SKAP2: variants seen among roughly 807,000 people sequenced by gnomAD.
SKAP2 encodes src kinase associated phosphoprotein 2, also known as src kinase-associated phosphoprotein 2.
A neutral mutation model predicts 54.9 loss-of-function variants in SKAP2; 28 were observed. That is an observed-to-expected ratio of 0.51 (90% CI 0.38 to 0.70). SKAP2 has a LOEUF of 0.70. Ranked by LOEUF, SKAP2 falls within the 30% of genes least tolerant of loss-of-function variation. The pLI is 0.00. For missense variants in SKAP2, 356 were observed against 424.1 expected, an observed-to-expected ratio of 0.84 and a Z score of 1.41; for synonymous variants, 137 against 134.3, an observed-to-expected ratio of 1.02 and a Z score of -0.14.
At chr7:26,729,557 T>C (rs969300078) in intron 6 of SKAP2, among the ~76,000 whole-genome samples, 7 of 151,808 alleles carry the variant, frequency 4.6e-5, no homozygotes, top group African/African-American at 1.7e-4. Flanking sequence ...ACTGGCAAAA[T>C]AAGGAACAAA....
intron 3 of SKAP2, chr7:26,848,190 T>G (rs1226887118): frequency 6.6e-6 from 1 of 152,246 alleles, no homozygotes; most frequent in African/African-American, 2.4e-5. Flanking sequence ...CAACAACAAC[T>G]GAACAGTCAT....
chr7:26,800,627 G>T (rs1399673804), intron 4 of SKAP2, among the ~76,000 whole-genome samples: 1 of 151,952 alleles, frequency 6.6e-6, no homozygotes, highest in African/African-American at 2.4e-5. Flanking sequence ...AAAAAGAGAA[G>T]ATCCAAATAA....
intron 9 of SKAP2, among the ~76,000 whole-genome samples, chr7:26,717,884 T>A (rs1000987882): frequency 2.0e-5 from 3 of 151,616 alleles, no homozygotes; most frequent in Non-Finnish European, 4.4e-5. Context: ...TAAAAAATAT[T>A]TTTTTAAAAG....
intron 6 of SKAP2, among the ~76,000 whole-genome samples, chr7:26,735,882 G>A (rs566154743): frequency 1.3e-5 from 2 of 152,148 alleles, no homozygotes; most frequent in East Asian, 3.9e-4. Context: ...TTTTTTTGGA[G>A]TCCCTTAAAA....
At chr7:26,801,809 T>G (rs1392299886) in intron 4 of SKAP2, among the ~76,000 whole-genome samples, 1 of 152,028 alleles carries the variant, frequency 6.6e-6, no homozygotes, top group Non-Finnish European at 1.5e-5. Context: ...AGGTGAAAGA[T>G]CTCTATAATG....
intron 4 of SKAP2, among the ~76,000 whole-genome samples, chr7:26,752,338 T>A (rs1355687827): frequency 6.6e-6 from 1 of 152,186 alleles, no homozygotes; most frequent in African/African-American, 2.4e-5. Context: ...AATAACATTT[T>A]TACAGTATAT....
chr7:26,736,139 A>C (rs1382957580), intron 6 of SKAP2, among the ~76,000 whole-genome samples: 1 of 152,190 alleles, frequency 6.6e-6, no homozygotes, highest in Non-Finnish European at 1.5e-5. Flanking sequence ...GAGTAAAATA[A>C]GGCTTTGACC....
At chr7:26,784,378 G>T (rs1378051706) in intron 4 of SKAP2, among the ~76,000 whole-genome samples, 2 of 152,142 alleles carry the variant, frequency 1.3e-5, no homozygotes, top group Non-Finnish European at 2.9e-5. Context: ...TTCCTCCACG[G>T]TGAGAGTATT....
At chr7:26,859,784 A>G (rs896680757) in intron 1 of SKAP2, among the ~76,000 whole-genome samples, 2 of 152,356 alleles carry the variant, frequency 1.3e-5, no homozygotes, top group South Asian at 2.1e-4. Flanking sequence ...GATTTACACT[A>G]TATTCAGTTT....
At chr7:26,756,582 A>T (rs527858608) in intron 4 of SKAP2, among the ~76,000 whole-genome samples, 37 of 152,286 alleles carry the variant, frequency 2.4e-4, no homozygotes, top group African/African-American at 7.5e-4. Flanking sequence ...TCTATCATCG[A>T]TGGACATTTG....
intron 4 of SKAP2, among the ~76,000 whole-genome samples, chr7:26,804,791 A>T (rs1048815891): frequency 6.6e-5 from 10 of 152,094 alleles, no homozygotes; most frequent in African/African-American, 2.4e-4. Flanking sequence ...ATAAAAAGGC[A>T]ATTTATTAAA....
intron 4 of SKAP2, among the ~76,000 whole-genome samples, chr7:26,787,799 G>C (rs1783585821): frequency 6.6e-6 from 1 of 152,098 alleles, no homozygotes; most frequent in Non-Finnish European, 1.5e-5. Context: ...TGAGGGATCT[G>C]CCCGCATGAC....
At chr7:26,685,985 C>T (rs1230041629) in intron 10 of SKAP2, among the ~76,000 whole-genome samples, 1 of 152,160 alleles carries the variant, frequency 6.6e-6, no homozygotes, top group Non-Finnish European at 1.5e-5. Flanking sequence ...CCAGGGTTGT[C>T]ATCTCAGTAT....
intron 4 of SKAP2, among the ~76,000 whole-genome samples, chr7:26,821,699 AGAT>A (rs1198040584): frequency 6.6e-6 from 1 of 152,132 alleles, no homozygotes; most frequent in Non-Finnish European, 1.5e-5. Flanking sequence ...CTTTCTTTAT[AGAT>A]AATATCACCT....
chr7:26,666,313 T>C (rs1786104933), downstream of SKAP2, among the ~76,000 whole-genome samples: 1 of 152,192 alleles, frequency 6.6e-6, no homozygotes, highest in African/African-American at 2.4e-5. Flanking sequence ...TTAATTTTCT[T>C]CTAATGGCTG....
chr7:26,819,583 G>C (rs1784350411), intron 4 of SKAP2, among the ~76,000 whole-genome samples: 2 of 149,440 alleles, frequency 1.3e-5, no homozygotes, highest in African/African-American at 2.5e-5. Flanking sequence ...AAAAAAAAAA[G>C]AACTTTCCCA....
At chr7:26,754,876 G>A (rs914921252) in intron 4 of SKAP2, among the ~76,000 whole-genome samples, 3 of 152,236 alleles carry the variant, frequency 2.0e-5, no homozygotes, top group Admixed American at 2.0e-4. Context: ...ATAAATATGT[G>A]AAATATACAA....
At chr7:26,796,237 G>A (rs1176583950) in intron 4 of SKAP2, among the ~76,000 whole-genome samples, 2 of 152,186 alleles carry the variant, frequency 1.3e-5, no homozygotes, top group African/African-American at 2.4e-5. Flanking sequence ...AAAATTAACT[G>A]TAGTATATCC....
At chr7:26,763,176 T>A (rs1161336219) in intron 4 of SKAP2, among the ~76,000 whole-genome samples, 1 of 152,124 alleles carries the variant, frequency 6.6e-6, no homozygotes, top group Non-Finnish European at 1.5e-5. Context: ...AATAAAAACA[T>A]TTTTCTTGTG....
Sources: allele counts gnomAD v4.1 joint callset (sites outside exome capture counted in the v4.1 genomes callset), GRCh38; gene constraint gnomAD v4.1.1; transcripts MANE v1.5; gene names NCBI Gene and HGNC (gene_info 2026-07-23, HGNC 2026-07-21).